Variants in PTGIS observed in about 807,000 individuals in gnomAD.
PTGIS encodes prostaglandin I2 synthase.
In PTGIS, 45 loss-of-function variants were observed where a neutral mutation model predicts 50.3. That is an observed-to-expected ratio of 0.90 (90% CI 0.70 to 1.15). PTGIS has a LOEUF of 1.15. Ranked by LOEUF, PTGIS falls within the 50% of genes most tolerant of loss-of-function variation. The probability of loss-of-function intolerance (pLI) is 0.00; values close to 1 mark genes in which losing one functional copy is unlikely to be tolerated. For synonymous variants in PTGIS, 260 were observed against 267.7 expected (o/e 0.97, Z 0.28); for missense variants, 668 against 661.3 (o/e 1.01, Z -0.11).
At position 49,529,921 on chromosome 20, in the gene PTGIS, G is replaced by A. The variant is rs142047928; in HGVS notation, c.674-5682C>T. Among the ~76,000 whole-genome samples, 936 of 152,228 alleles carry A rather than the reference G, an allele frequency of 6.1e-3. 34 individuals carry two copies. In the East Asian group the frequency reaches 0.12, roughly 19 times the overall value. The stretch of plus-strand genomic sequence containing the variant: ...TGTAATCCCAGCACTTTGGAAGGCC[G>A]ACGTGGGCGGATCACCTGAGGTCGG... On this transcript the variant is annotated intron_variant, in intron 5 of 9. Transcript: ENST00000244043.
chr20:49,539,496 C>T (rs559361569), intron 5 of PTGIS, 74 bp downstream of exon 5: 1 of 1,528,392 alleles, frequency 6.5e-7, no homozygotes, highest in Admixed American at 1.9e-5. Flanking sequence ...CTCTGGTCCT[C>T]TACCTTGAAT....
chr20:49,535,595 C>A (rs543252142), intron 5 of PTGIS, among the ~76,000 whole-genome samples: 2 of 152,316 alleles, frequency 1.3e-5, no homozygotes, highest in South Asian at 4.1e-4. Context: ...CTCACTGTAA[C>A]CTCTGTCTCA....
intron 1 of PTGIS, among the ~76,000 whole-genome samples, chr20:49,556,074 T>G (rs1982617386): frequency 6.6e-6 from 1 of 152,230 alleles, no homozygotes; most frequent in Non-Finnish European, 1.5e-5. Context: ...TCAAGAAAAC[T>G]TTCTCTTCTT....
chr20:49,525,944 T>A (rs1981785254), intron 5 of PTGIS, among the ~76,000 whole-genome samples: 1 of 152,186 alleles, frequency 6.6e-6, no homozygotes, highest in African/African-American at 2.4e-5. Context: ...TTTCAAATAA[T>A]ACGCTGAATA....
At chr20:49,550,889 T>G (rs1029901158) in intron 1 of PTGIS, among the ~76,000 whole-genome samples, 5 of 152,122 alleles carry the variant, frequency 3.3e-5, no homozygotes, top group African/African-American at 7.2e-5. Flanking sequence ...AAGTTTGAAG[T>G]TTTTTTTCCT....
In PTGIS at chr20:49,568,050, G is replaced by A. The variant is rs1441518258; in HGVS notation, c.67C>T (p.Arg23Cys). ...GCGGAGCAGGACACTCACCGCGTGC[G>A]GCGGCGGCTCAGTAGCAGCAGCAGC... ...LLLLLLLSRR[R>C]TRRPGEPPLD... is the part of the protein sequence containing the mutation. Residue 23 changes from arginine (R) to cysteine (C), a missense_variant, in exon 1 of 10, where the codon CGC becomes TGC. Arg to Cys is a radical substitution (Grantham distance 180). Transcript: ENST00000244043. The A allele has an allele frequency of 6.7e-7, 1 of 1,484,014 alleles. No homozygotes were observed. Among genetic ancestry groups the A allele is most frequent in the Non-Finnish European group, 8.9e-7 (1 of 1,124,042 alleles). The allele number at this position is 1,484,014 out of a possible 1,614,324, so 91.9% of individuals were successfully genotyped here.
chr20:49,551,108 G>A (rs1220544026), intron 1 of PTGIS, among the ~76,000 whole-genome samples: 1 of 152,212 alleles, frequency 6.6e-6, no homozygotes, highest in African/African-American at 2.4e-5. Context: ...TCGGGAGGCT[G>A]AGGCAGGAGA....
intron 3 of PTGIS, among the ~76,000 whole-genome samples, chr20:49,547,576 G>A (rs1214941798): frequency 1.3e-5 from 2 of 151,816 alleles, no homozygotes; most frequent in Admixed American, 6.6e-5. Context: ...CCAAACCCTG[G>A]TCTCCTCCTA....
intron 6 of PTGIS, among the ~76,000 whole-genome samples, chr20:49,522,629 C>G (rs894235920): frequency 6.6e-6 from 1 of 152,148 alleles, no homozygotes; most frequent in East Asian, 1.9e-4. Flanking sequence ...TGCCCAGTGT[C>G]TCAATGGAAC....
chr20:49,537,249 A>C (rs770646944), intron 5 of PTGIS, among the ~76,000 whole-genome samples: 2 of 152,202 alleles, frequency 1.3e-5, no homozygotes, highest in African/African-American at 4.8e-5. Flanking sequence ...TTGGGGGCAC[A>C]TGGCCCAGGG....
At position 49,544,391 on chromosome 20, in the gene PTGIS, A is replaced by G. The variant is rs1469299092; in HGVS notation, c.435T>C (p.His145=). 2.5e-6 allele frequency: 4 copies of G among 1,614,094 alleles called. No homozygotes were observed. The Admixed American group carries it at 6.7e-5, about 27-fold the overall frequency. ...CTGTAGCATCGCCCAACAGCACTGCATGGAGGTTGGTATACATGGCTTCTG... is the reference window on the plus strand; with the variant it reads ...CTGTAGCATCGCCCAACAGCACTGCGTGGAGGTTGGTATACATGGCTTCTG... ...ALTEAMYTNL[H]AVLLGDATEA... is the part of the protein sequence containing the mutation. The change falls in exon 4 of 10, where the codon CAT becomes CAC. Residue 145 remains histidine (H), a synonymous_variant. Coordinates refer to ENST00000244043, the MANE Select transcript of PTGIS (RefSeq NM_000961.4).
chr20:49,551,201 C>T (rs149376295), intron 1 of PTGIS, among the ~76,000 whole-genome samples: 187 of 152,000 alleles, frequency 1.2e-3, no homozygotes, highest in African/African-American at 4.4e-3. Flanking sequence ...AGCAAGACTC[C>T]GTCTCAAAAA....
intron 8 of PTGIS, 24 bp downstream of exon 8, chr20:49,513,056 T>C (rs751249199): frequency 1.2e-6 from 2 of 1,613,910 alleles, no homozygotes; most frequent in Non-Finnish European, 1.7e-6. Flanking sequence ...AGACCCCATA[T>C]GACCAGGCGC....
chr20:49,537,949 G>A (rs778445105), intron 5 of PTGIS, among the ~76,000 whole-genome samples: 3 of 151,842 alleles, frequency 2.0e-5, no homozygotes, highest in Non-Finnish European at 4.4e-5. Context: ...AATACTATAC[G>A]GCAATAAAAA....
intron 2 of PTGIS, among the ~76,000 whole-genome samples, chr20:49,548,333 C>T (rs1982417654): frequency 6.6e-6 from 1 of 152,234 alleles, no homozygotes; most frequent in African/African-American, 2.4e-5. Context: ...TCTCTACCAC[C>T]TCACTCTTAA....
chr20:49,526,326 G>A (rs147515796), intron 5 of PTGIS, among the ~76,000 whole-genome samples: 54 of 151,986 alleles, frequency 3.6e-4, no homozygotes, highest in Middle Eastern at 3.4e-3. Context: ...CACAGCTTTA[G>A]AAATAACTGG....
intron 4 of PTGIS, among the ~76,000 whole-genome samples, chr20:49,543,212 C>G (rs1257824443): frequency 6.6e-6 from 1 of 152,108 alleles, no homozygotes; most frequent in Non-Finnish European, 1.5e-5. Context: ...CCAGTCAAAT[C>G]TTCCGGCAGA....
chr20:49,522,719 A>T (rs1372832481), intron 6 of PTGIS, among the ~76,000 whole-genome samples: 1 of 152,212 alleles, frequency 6.6e-6, no homozygotes, highest in East Asian at 1.9e-4. Flanking sequence ...AACGCACAGA[A>T]ACCGTGCCAG....
chr20:49,529,813 T>C (rs963216415), intron 5 of PTGIS, among the ~76,000 whole-genome samples: 1 of 152,138 alleles, frequency 6.6e-6, no homozygotes, highest in African/African-American at 2.4e-5. Context: ...TTATAATTGG[T>C]TTCATTTTAT....
Sources: gnomAD v4.1 joint callset for allele counts (sites outside exome capture counted in the v4.1 genomes callset) on GRCh38, gnomAD v4.1.1 for gene constraint, MANE v1.5 for transcripts, NCBI Gene and HGNC (gene_info 2026-07-23, HGNC 2026-07-21) for gene names.